The following NPAS3 variants were observed in gnomAD, a reference collection of about 807,000 sequenced individuals.
NPAS3 encodes the protein neuronal PAS domain-containing protein 3.
A neutral mutation model predicts 73.1 loss-of-function variants in NPAS3; 14 were observed. The observed-to-expected ratio is 0.19, with a 90% CI of 0.13 to 0.30. NPAS3 has a LOEUF of 0.30. Among genes scored for constraint, NPAS3 ranks in the 10% least tolerant of loss-of-function variants. The pLI is 1.00. For synonymous variants in NPAS3, 620 were observed against 541.5 expected (o/e 1.14, Z -2.01); for missense variants, 1,096 against 1,250.0 (o/e 0.88, Z 1.86).
At chr14:32,966,133 A>T (rs1158097206) in intron 1 of NPAS3, among the ~76,000 whole-genome samples, 2 of 152,186 alleles carry the variant, frequency 1.3e-5, no homozygotes, top group African/African-American at 4.8e-5. Context: ...ACTCAAAGCA[A>T]TCTACAGAAT....
chr14:33,169,353 A>AG (rs1270168434), intron 2 of NPAS3, among the ~76,000 whole-genome samples: 1 of 152,134 alleles, frequency 6.6e-6, no homozygotes, highest in African/African-American at 2.4e-5. Flanking sequence ...GGATCACTTG[A>AG]GGTCAGGAGT....
intron 3 of NPAS3, among the ~76,000 whole-genome samples, chr14:33,332,652 G>A (rs1323869872): frequency 6.6e-6 from 1 of 152,122 alleles, no homozygotes; most frequent in Admixed American, 6.6e-5. Flanking sequence ...TCTCATACTG[G>A]GACTGCTGCC....
intron 3 of NPAS3, among the ~76,000 whole-genome samples, chr14:33,331,038 C>T (rs78629871): frequency 6.6e-6 from 1 of 152,160 alleles, no homozygotes; most frequent in Non-Finnish European, 1.5e-5. Flanking sequence ...GGAGATAAAA[C>T]ATTCCTCAAA....
chr14:33,378,822 G>A (rs1480427504), intron 4 of NPAS3, among the ~76,000 whole-genome samples: 1 of 152,100 alleles, frequency 6.6e-6, no homozygotes, highest in Non-Finnish European at 1.5e-5. Context: ...TTGTTTGCAA[G>A]GTATGGGAAC....
chr14:33,578,826 GAAAACAAAAC>G (rs369470796), intron 5 of NPAS3, among the ~76,000 whole-genome samples: 1 of 151,938 alleles, frequency 6.6e-6, no homozygotes, highest in Non-Finnish European at 1.5e-5. Context: ...AACCACAGGG[GAAAACAAAAC>G]AAAACAAAAC....
At chr14:33,212,621 T>C (rs2139662288) in intron 2 of NPAS3, among the ~76,000 whole-genome samples, 1 of 152,328 alleles carries the variant, frequency 6.6e-6, no homozygotes. Context: ...ATCTATCCTT[T>C]ATAGCCTATT....
intron 3 of NPAS3, among the ~76,000 whole-genome samples, chr14:33,330,045 C>G (rs1042831768): frequency 1.3e-5 from 2 of 152,116 alleles, no homozygotes; most frequent in Non-Finnish European, 1.5e-5. Context: ...GAGTTCGAGA[C>G]CAGCCTGGCC....
chr14:33,654,915 GAAACTTAAAATGGGAGAA>G (rs1037543218), intron 5 of NPAS3, among the ~76,000 whole-genome samples: 10 of 152,182 alleles, frequency 6.6e-5, no homozygotes, highest in African/African-American at 2.2e-4. Flanking sequence ...TAAATTGGAG[GAAACTTAAAATGGGAGAA>G]AGGAGGAAGG....
intron 4 of NPAS3, among the ~76,000 whole-genome samples, chr14:33,505,990 C>G (rs557794298): frequency 1.3e-5 from 2 of 151,936 alleles, no homozygotes; most frequent in Non-Finnish European, 2.9e-5. Flanking sequence ...CATATCCACG[C>G]GTTCTTTCTT....
intron 5 of NPAS3, among the ~76,000 whole-genome samples, chr14:33,562,033 T>C (rs2055674123): frequency 6.6e-6 from 1 of 152,224 alleles, no homozygotes; most frequent in South Asian, 2.1e-4. Flanking sequence ...TCTTGGGTTT[T>C]GGCCATTTCA....
intron 2 of NPAS3, among the ~76,000 whole-genome samples, chr14:33,183,255 G>A (rs1042045650): frequency 2.0e-5 from 3 of 151,814 alleles, no homozygotes; most frequent in Non-Finnish European, 4.4e-5. Flanking sequence ...GTGAAACCCC[G>A]TCTCTACGAA....
chr14:33,418,577 T>C (rs2048248885), intron 4 of NPAS3, among the ~76,000 whole-genome samples: 1 of 152,046 alleles, frequency 6.6e-6, no homozygotes, highest in African/African-American at 2.4e-5. Flanking sequence ...TATAAAAATA[T>C]TTGTATTTCT....
intron 5 of NPAS3, among the ~76,000 whole-genome samples, chr14:33,625,860 G>A (rs529158389): frequency 2.0e-5 from 3 of 152,154 alleles, no homozygotes; most frequent in Non-Finnish European, 4.4e-5. Context: ...CCATCAAAAA[G>A]TGAAAGGCTA....
At chr14:33,486,308 C>A (rs574163159) in intron 4 of NPAS3, among the ~76,000 whole-genome samples, 1 of 152,052 alleles carries the variant, frequency 6.6e-6, no homozygotes, top group African/African-American at 2.4e-5. Flanking sequence ...TTTCTCCCGG[C>A]GTCCTCATCT....
chr14:33,764,034 T>G (rs1392644068), intron 7 of NPAS3, among the ~76,000 whole-genome samples: 1 of 152,282 alleles, frequency 6.6e-6, no homozygotes, highest in East Asian at 1.9e-4. Flanking sequence ...CATGGACAAT[T>G]GTCTTTACTT....
chr14:33,588,487 G>C (rs59223062), intron 5 of NPAS3, among the ~76,000 whole-genome samples: 11,892 of 152,234 alleles, frequency 0.078, 671 homozygotes, highest in African/African-American at 0.15. Context: ...TTCTCAACTT[G>C]TCAGATGGTT....
chr14:33,183,703 G>C (rs1380962905), intron 2 of NPAS3, among the ~76,000 whole-genome samples: 1 of 151,846 alleles, frequency 6.6e-6, no homozygotes, highest in Non-Finnish European at 1.5e-5. Flanking sequence ...ACCTTCTAAA[G>C]TCATATCTCT....
chr14:33,102,378 G>A (rs1007193426), intron 2 of NPAS3, among the ~76,000 whole-genome samples: 2 of 152,082 alleles, frequency 1.3e-5, no homozygotes, highest in African/African-American at 4.8e-5. Context: ...GAACACCTGG[G>A]TTCAAATCAT....
At chr14:33,052,084 A>G (rs1245566179) in intron 1 of NPAS3, among the ~76,000 whole-genome samples, 1 of 152,174 alleles carries the variant, frequency 6.6e-6, no homozygotes, top group East Asian at 1.9e-4. Flanking sequence ...ACCTGAATTC[A>G]GTAAGATAGT....
Sources: allele counts gnomAD v4.1 joint callset (sites outside exome capture counted in the v4.1 genomes callset), GRCh38; gene constraint gnomAD v4.1.1; transcripts MANE v1.5; gene names NCBI Gene and HGNC (gene_info 2026-07-23, HGNC 2026-07-21).